Variants in SERTAD4 observed in about 807,000 individuals in gnomAD.
The protein encoded by SERTAD4 is SERTA domain-containing protein 4.
In SERTAD4, 18 loss-of-function variants were observed where a neutral mutation model predicts 32.9. That is an observed-to-expected ratio of 0.55 (90% CI 0.38 to 0.81). The LOEUF (loss-of-function observed/expected upper bound fraction) is 0.81. Among genes scored for constraint, SERTAD4 ranks in the 30% least tolerant of loss-of-function variants. The pLI is 0.00. For missense variants in SERTAD4, 383 were observed against 426.0 expected (o/e 0.90, Z 0.89); for synonymous variants, 150 against 156.4 (o/e 0.96, Z 0.30).
intron 3 of SERTAD4, 28 bp from the exon 4 acceptor site, chr1:210,241,530 T>TC: frequency 1.3e-6 from 2 of 1,508,224 alleles, no homozygotes; most frequent in Non-Finnish European, 1.8e-6. Context: ...CTGTTTGTTT[T>TC]TTTCTTTTTT....
intron 1 of SERTAD4, among the ~76,000 whole-genome samples, chr1:210,234,366 C>T (rs372180505): frequency 1.8e-4 from 27 of 152,362 alleles, no homozygotes; most frequent in Middle Eastern, 3.4e-3. Context: ...GGCCCAGCAC[C>T]TGCAGCCCCA....
downstream of SERTAD4, chr1:210,246,336 T>G (rs1303515293): frequency 1.3e-5 from 2 of 153,484 alleles, no homozygotes; most frequent in Non-Finnish European, 2.9e-5. Context: ...CTCAATTCTA[T>G]GTGATATAGC....
chr1:210,238,240 G>A lies in SERTAD4; in HGVS notation c.175+105G>A, dbSNP rs1274312711. The A allele has an allele frequency of 5.4e-5, 38 of 708,156 alleles. No individual in the cohort carries two copies. In the Admixed American group the frequency reaches 1.1e-3, roughly 20 times the overall value. 43.9% of individuals were successfully genotyped at this position (708,156 alleles called of 1,614,324 possible). ...TGGGGTGCCCCTCTGAGCCAGGAGA[G>A]CTAAAGCTCCAGGGACTTCCCGGGC... is the stretch of plus-strand genomic sequence containing the variant. On this transcript the variant is annotated intron_variant, in intron 2 of 3. Coordinates refer to ENST00000367012, the MANE Select transcript of SERTAD4 (RefSeq NM_019605.5).
chr1:210,234,293 CCA>C (rs1461416579), intron 1 of SERTAD4, among the ~76,000 whole-genome samples: 1 of 151,398 alleles, frequency 6.6e-6, no homozygotes. Context: ...CCCGCAACCG[CCA>C]CACACACACA....
In SERTAD4 at chr1:210,242,404, G is replaced by A. The variant is rs1033449256; in HGVS notation, c.*67G>A. The A allele has an allele frequency of 6.6e-7, 1 of 1,511,300 alleles. No individual in the cohort carries two copies. The highest frequency in any genetic ancestry group is 2.3e-5 in the East Asian group (1 of 44,076). The allele number at this position is 1,511,300 out of a possible 1,614,324, so 93.6% of individuals were successfully genotyped here. A position where few individuals can be genotyped will look rare whatever the true frequency, so the allele number is the denominator to read the frequency against. On this transcript the variant is annotated 3_prime_UTR_variant, in exon 4 of 4. Transcript: ENST00000367012. The surrounding 1 kb of genome is among the most constrained non-coding windows in gnomAD (Gnocchi z 4.0). ...AGTTAGCTCTCGTAAATTTTATTTT[G>A]AATGGATTTTGTAGTTTTGTACAAC...
rs1240581974 is a variant in SERTAD4, at chr1:210,242,232, T to C, written c.966T>C (p.Tyr322=). 6.2e-7 allele frequency: 1 copy of C among 1,614,008 alleles called. No homozygotes were observed. Residue 322 remains tyrosine, a synonymous_variant, in exon 4 of 4, where the codon TAT becomes TAC. Coordinates refer to ENST00000367012, the MANE Select transcript of SERTAD4 (RefSeq NM_019605.5). The surrounding 1 kb of genome is among the most constrained non-coding windows in gnomAD (Gnocchi z 4.0). ...GQFYDYFETG[Y]NERNNVNESW... is the part of the protein sequence containing the mutation. ...TTTATGATTATTTTGAGACCGGATATAATGAAAGAAACAATGTAAATGAAT... is the reference window on the plus strand; with the variant it reads ...TTTATGATTATTTTGAGACCGGATACAATGAAAGAAACAATGTAAATGAAT...
intron 1 of SERTAD4, among the ~76,000 whole-genome samples, chr1:210,234,333 G>A (rs2083919900): frequency 6.6e-6 from 1 of 152,160 alleles, no homozygotes; most frequent in Admixed American, 6.5e-5. Context: ...CTCGGGCATC[G>A]GAGCACCCCT....
rs755762050 is a variant in SERTAD4, at chr1:210,238,012, G to A, written c.52G>A (p.Gly18Arg). 1.2e-6 allele frequency: 2 copies of A among 1,613,974 alleles called. No homozygotes were observed. Among genetic ancestry groups the A allele is most frequent in the East Asian group, 4.5e-5 (2 of 44,868 alleles). ...NRFCEPIVSE[G>R]AAEIAGYQTL... ...ATTCTGCGAGCCCATTGTCTCGGAAGGAGCTGCTGAAATTGCTGGGTACCA... is the reference window on the plus strand; with the variant it reads ...ATTCTGCGAGCCCATTGTCTCGGAAAGAGCTGCTGAAATTGCTGGGTACCA... Residue 18 changes from glycine to arginine, a missense_variant, in exon 2 of 4, where the codon GGA (glycine) becomes AGA (arginine). This residue lies in a region of SERTAD4 where 96 missense variants were observed against 76.6 expected (regional missense o/e 1.25). Coordinates refer to ENST00000367012, the MANE Select transcript of SERTAD4 (RefSeq NM_019605.5).
chr1:210,233,887 G>A (rs1387353032), intron 1 of SERTAD4: 1 of 460,926 alleles, frequency 2.2e-6, no homozygotes, highest in Non-Finnish European at 4.5e-6. Flanking sequence ...CTGGAGCGCG[G>A]GGGCCCGGGC....
chr1:210,243,267 C>T lies in SERTAD4; in HGVS notation c.*930C>T. ...GGGATGGAGGAAATGAGAGAGAGAG[C>T]TGTTAGAAAGCAGCACGGGCTGCTC... On this transcript the variant is annotated 3_prime_UTR_variant, in exon 4 of 4. Coordinates refer to ENST00000367012, the MANE Select transcript of SERTAD4 (RefSeq NM_019605.5). 1 of 452,666 alleles carries T rather than the reference C, an allele frequency of 2.2e-6. No homozygotes were observed. The highest frequency in any genetic ancestry group is 2.9e-6 in the Non-Finnish European group (1 of 344,462). 28.0% of individuals were successfully genotyped at this position (452,666 alleles called of 1,614,324 possible).
chr1:210,233,701 C>T (rs778070381), intron 1 of SERTAD4: 1 of 470,990 alleles, frequency 2.1e-6, no homozygotes, highest in Non-Finnish European at 4.4e-6. Flanking sequence ...CCTTCCTCCC[C>T]TCCCGCCTCT....
In SERTAD4 at chr1:210,244,173, C is replaced by G. The variant is rs1265048959; in HGVS notation, c.*1836C>G. 1 of 152,106 alleles carries G rather than the reference C, an allele frequency of 6.6e-6. No individual in the cohort carries two copies. The highest frequency in any genetic ancestry group is 1.5e-5 in the Non-Finnish European group (1 of 68,010). 9.4% of individuals were successfully genotyped at this position (152,106 alleles called of 1,614,324 possible). A position where few individuals can be genotyped will look rare whatever the true frequency, so the allele number is the denominator to read the frequency against. On this transcript the variant is annotated 3_prime_UTR_variant, in exon 4 of 4. Coordinates refer to ENST00000367012, the MANE Select transcript of SERTAD4 (RefSeq NM_019605.5). ...ATTATTCTCTCTCCTTTAAAAAACT[C>G]AAAACATCTAGAAACTGTAGTGGAT... is the stretch of plus-strand genomic sequence containing the variant.
chr1:210,233,831 G>T, intron 1 of SERTAD4: 1 of 469,448 alleles, frequency 2.1e-6, no homozygotes. Flanking sequence ...CAGCGGGTTT[G>T]GCCGGCAAGG....
intron 2 of SERTAD4, 52 bp downstream of exon 2, chr1:210,238,187 G>A (rs773152991): frequency 1.8e-6 from 2 of 1,115,296 alleles, no homozygotes; most frequent in Non-Finnish European, 2.6e-6. Flanking sequence ...GCCCTTTGCA[G>A]CCAGCCTGGT....
rs2084013873 is a variant in SERTAD4 at position 210,242,994 on chromosome 1, T to C, written c.*657T>C. Reference sequence around the variant, plus strand: ...GGTGATGAGGCTTTTAGAGAGGTGTTATACAGGGCGATTTTTGGTGCCTTA... The same window carrying C: ...GGTGATGAGGCTTTTAGAGAGGTGTCATACAGGGCGATTTTTGGTGCCTTA... On this transcript the variant is annotated 3_prime_UTR_variant, in exon 4 of 4. Transcript: ENST00000367012. This position sits in a 1 kb window ranked among gnomAD's most constrained non-coding sequence, Gnocchi z 4.0. 1 of 983,326 alleles carries C rather than the reference T, an allele frequency of 1.0e-6. No homozygotes were observed. The highest frequency in any genetic ancestry group is 4.7e-5 in the South Asian group (1 of 21,228). The allele number at this position is 983,326 out of a possible 1,614,324, so 60.9% of individuals were successfully genotyped here.
chr1:210,240,555 CT>C (rs2083984240), intron 3 of SERTAD4, among the ~76,000 whole-genome samples: 1 of 152,148 alleles, frequency 6.6e-6, no homozygotes, highest in Non-Finnish European at 1.5e-5. Flanking sequence ...TGCCAGTTTG[CT>C]TTTTTGATGG....
chr1:210,236,169 C>A (rs1188029047), intron 1 of SERTAD4, among the ~76,000 whole-genome samples: 2 of 152,184 alleles, frequency 1.3e-5, no homozygotes, highest in African/African-American at 4.8e-5. Context: ...GGCTAAATTT[C>A]TTTGTTGATG....
In SERTAD4 at chr1:210,238,127, C is replaced by T. The variant is rs201550045; in HGVS notation, c.167C>T (p.Pro56Leu). The change falls in exon 2 of 4, where the codon CCA becomes CTA. Residue 56 changes from proline to leucine, a missense_variant. Pro to Leu is a moderately conservative substitution (Grantham distance 98, BLOSUM62 -3). This residue lies in a region of SERTAD4 where 96 missense variants were observed against 76.6 expected (regional missense o/e 1.25). Transcript: ENST00000367012. ...PLQGDRGAGP[P>L]LAGSHYRGIS... ...CAGGGAGACCGGGGAGCTGGTCCCC[C>T]ACTGGCAGGTATTGCCCTTGACCTG... is the stretch of plus-strand genomic sequence containing the variant. 1.1e-5 allele frequency: 17 copies of T among 1,604,954 alleles called. No homozygotes were observed. The highest frequency in any genetic ancestry group is 1.4e-5 in the Non-Finnish European group (16 of 1,176,710).
chr1:210,242,664 G>A lies in SERTAD4; in HGVS notation c.*327G>A. ...ATTTCCATTGCCCCCCAAGGAGCCT[G>A]TCACTAGCTAAGAAATTTCTACATG... On this transcript the variant is annotated 3_prime_UTR_variant, in exon 4 of 4. Transcript: ENST00000367012. The surrounding 1 kb of genome is among the most constrained non-coding windows in gnomAD (Gnocchi z 4.0). 9.4e-7 allele frequency: 1 copy of A among 1,061,894 alleles called. No homozygotes were observed. Among genetic ancestry groups the A allele is most frequent in the East Asian group, 6.6e-5 (1 of 15,106 alleles). The allele number at this position is 1,061,894 out of a possible 1,614,324, so 65.8% of individuals were successfully genotyped here.
Sources: allele counts gnomAD v4.1 joint callset (sites outside exome capture counted in the v4.1 genomes callset), GRCh38; gene constraint gnomAD v4.1.1; regional missense constraint gnomAD v4.1.1; non-coding constraint Gnocchi (gnomAD v3.1); transcripts MANE v1.5; gene names NCBI Gene and HGNC (gene_info 2026-07-23, HGNC 2026-07-21).